DPEP1: variants seen among roughly 807,000 people sequenced by gnomAD.
DPEP1 encodes the protein beta-lactamase.
In DPEP1, 50 loss-of-function variants were observed where a neutral mutation model predicts 42.3. The observed-to-expected ratio is 1.18, with a 90% CI of 0.94 to 1.50. The LOEUF is 1.50. DPEP1 is among the 40% of genes most tolerant of loss of function. The probability of loss-of-function intolerance (pLI) is 0.00; values close to 1 mark genes in which losing one functional copy is unlikely to be tolerated. For synonymous variants in DPEP1, 297 were observed against 234.0 expected (o/e 1.27, Z -2.46); for missense variants, 663 against 553.0 (o/e 1.20, Z -1.99).
intron 2 of DPEP1, 129 bp from the exon 3 acceptor site, chr16:89,635,779 C>G: frequency 7.5e-7 from 1 of 1,325,944 alleles, no homozygotes; most frequent in Non-Finnish European, 1.0e-6. Flanking sequence ...CCCCCGCGGC[C>G]TAGACTTCAG....
chr16:89,637,723 C>T lies in DPEP1; in HGVS notation c.929+16C>T, dbSNP rs1241771428. 4 of 1,612,916 alleles carry T rather than the reference C, an allele frequency of 2.5e-6. No homozygotes were observed. The highest frequency in any genetic ancestry group is 1.7e-5 in the Admixed American group (1 of 59,998). Reference sequence around the variant, plus strand: ...GTGTTCCAAGGTAAGGGGCTGAGAGCTCTGTCCTGTGGATGAGCCGGGAGG... The same window carrying T: ...GTGTTCCAAGGTAAGGGGCTGAGAGTTCTGTCCTGTGGATGAGCCGGGAGG... On this transcript the variant is annotated intron_variant, in intron 9 of 10. Transcript: ENST00000690203.
At chr16:89,629,516 C>A (rs868518267) in intron 1 of DPEP1, among the ~76,000 whole-genome samples, 10 of 151,456 alleles carry the variant, frequency 6.6e-5, no homozygotes, top group Middle Eastern at 3.4e-3. Flanking sequence ...CCCACCCCCC[C>A]CCGAAGCCTC....
Position 89,622,674 on chromosome 16 carries a change from C to T in DPEP1, c.-106-7631C>T, listed in dbSNP as rs374012975. ...TGGCGGGCACCTGTAGTCCCAGCTA[C>T]TTGGGAGGCTGAGGCAGGAGAATCG... On this transcript the variant is annotated intron_variant, in intron 1 of 10. Transcript: ENST00000690203. Among the ~76,000 whole-genome samples, 3 of 151,626 alleles carry T rather than the reference C, an allele frequency of 2.0e-5. No individual in the cohort carries two copies. The East Asian group carries it at 5.8e-4, about 29-fold the overall frequency.
At chr16:89,630,212 G>A in intron 1 of DPEP1, 93 bp from the exon 2 acceptor site, 1 of 449,914 alleles carries the variant, frequency 2.2e-6, no homozygotes, top group Non-Finnish European at 4.0e-6. Flanking sequence ...GGTGGGGAAT[G>A]TGCTGGTTAC....
chr16:89,640,702 G>T, downstream of DPEP1: 2 of 926,864 alleles, frequency 2.2e-6, no homozygotes, highest in Non-Finnish European at 2.6e-6. Context: ...TCCCTGGTGG[G>T]CTGCAAGGGT....
chr16:89,636,662 C>T lies in DPEP1; in HGVS notation c.500C>T (p.Thr167Ile). The T allele has an allele frequency of 3.7e-6, 6 of 1,612,504 alleles. No individual in the cohort carries two copies. Among genetic ancestry groups the T allele is most frequent in the South Asian group, 1.1e-5 (1 of 91,084 alleles). Residue 167 changes from threonine to isoleucine, a missense_variant, in exon 5 of 11, where the codon ACC becomes ATC. Transcript: ENST00000690203. The part of the protein sequence containing the change: ...YQLGMRYLTL[T>I]HSCNTPWADN... Reference sequence around the variant, plus strand: ...CTGGGCATGCGGTACCTGACCCTCACCCACAGCTGCAACACGCCCTGGTGC... The same window carrying T: ...CTGGGCATGCGGTACCTGACCCTCATCCACAGCTGCAACACGCCCTGGTGC...
intron 1 of DPEP1, chr16:89,616,884 G>T: frequency 4.2e-6 from 1 of 239,206 alleles, no homozygotes. Context: ...GGAAGCGGCC[G>T]GGAAGCAGGC....
intron 3 of DPEP1, 42 bp from the exon 4 acceptor site, chr16:89,636,222 G>A (rs1476741159): frequency 6.3e-7 from 1 of 1,582,622 alleles, no homozygotes; most frequent in Non-Finnish European, 8.6e-7. Flanking sequence ...GGTGGGCTGA[G>A]ACCTGGCTGC....
At chr16:89,618,552 G>C (rs2059405043) in intron 1 of DPEP1, among the ~76,000 whole-genome samples, 1 of 152,068 alleles carries the variant, frequency 6.6e-6, no homozygotes, top group African/African-American at 2.4e-5. Flanking sequence ...TTTTGAGACA[G>C]GGTCTCACTA....
In DPEP1 at chr16:89,637,977, G is replaced by T. The variant is rs780592076; in HGVS notation, c.1065+6G>T. 2 of 1,607,846 alleles carry T rather than the reference G, an allele frequency of 1.2e-6. No homozygotes were observed. The highest frequency in any genetic ancestry group is 2.2e-5 in the South Asian group (2 of 90,466). On this transcript the variant is annotated splice_donor_region_variant and intron_variant, in intron 10 of 10. Transcript: ENST00000690203. ...TCTTCGAGGCTGTGGAACAGGTGAG[G>T]ATGGGGTGGCCACCTGAGTCTCCCC...
At chr16:89,615,711 C>T (rs1018960199) in intron 1 of DPEP1, among the ~76,000 whole-genome samples, 2 of 152,192 alleles carry the variant, frequency 1.3e-5, no homozygotes, top group African/African-American at 2.4e-5. Context: ...GAACTGGAGC[C>T]GGGAACCGGC....
chr16:89,614,013 T>G lies in DPEP1; in HGVS notation c.-107+294T>G, dbSNP rs616535. Among the ~76,000 whole-genome samples, 115 of 126,046 alleles carry G rather than the reference T, an allele frequency of 9.1e-4. No homozygotes were observed. In the East Asian group the frequency reaches 0.028, roughly 31 times the overall value. The allele number at this position is 126,046 out of a possible 152,430, so 82.7% of individuals were successfully genotyped here. A position where few individuals can be genotyped will look rare whatever the true frequency, so the allele number is the denominator to read the frequency against. The stretch of plus-strand genomic sequence containing the variant: ...AGGTGTGTGGGGCAGGGGACGCGGC[T>G]GCTTCCTGGGATTCTAGGAAACTGG... On this transcript the variant is annotated intron_variant, in intron 1 of 10. Transcript: ENST00000690203.
At chr16:89,632,562 C>G (rs79799075) in intron 2 of DPEP1, among the ~76,000 whole-genome samples, 1 of 152,158 alleles carries the variant, frequency 6.6e-6, no homozygotes, top group Non-Finnish European at 1.5e-5. Context: ...GTGTGCTTGC[C>G]GCTTTTCCAG....
intron 1 of DPEP1, among the ~76,000 whole-genome samples, chr16:89,629,669 G>C (rs2059559547): frequency 6.6e-6 from 1 of 152,224 alleles, no homozygotes; most frequent in South Asian, 2.1e-4. Flanking sequence ...TGTGTGCCCA[G>C]GAGCCCTCGG....
intron 2 of DPEP1, among the ~76,000 whole-genome samples, chr16:89,634,301 A>G (rs1597767699): frequency 6.6e-6 from 1 of 151,786 alleles, no homozygotes; most frequent in Non-Finnish European, 1.5e-5. Flanking sequence ...GTTAGCCAGG[A>G]TGATCTCGAT....
intron 1 of DPEP1, among the ~76,000 whole-genome samples, chr16:89,623,681 G>T (rs76712522): frequency 6.6e-6 from 1 of 152,020 alleles, no homozygotes. Flanking sequence ...CGAAAGAACC[G>T]TGCTGGGAGA....
chr16:89,623,057 C>G (rs1049067914), intron 1 of DPEP1, among the ~76,000 whole-genome samples: 2 of 152,114 alleles, frequency 1.3e-5, no homozygotes, highest in Non-Finnish European at 2.9e-5. Flanking sequence ...CAGGACCACC[C>G]AGACAGACAC....
chr16:89,629,233 C>T (rs1305590406), intron 1 of DPEP1, among the ~76,000 whole-genome samples: 1 of 152,170 alleles, frequency 6.6e-6, no homozygotes, highest in African/African-American at 2.4e-5. Context: ...GGCATGGTGG[C>T]TCATGCCTGT....
intron 1 of DPEP1, among the ~76,000 whole-genome samples, 157 bp downstream of exon 1, chr16:89,613,876 C>T (rs1405393203): frequency 2.0e-5 from 3 of 149,468 alleles, no homozygotes; most frequent in Non-Finnish European, 4.5e-5. Context: ...GAGGCTGAGG[C>T]CAGGTGTGTG....
Sources: gnomAD v4.1 joint callset for allele counts (sites outside exome capture counted in the v4.1 genomes callset) on GRCh38, gnomAD v4.1.1 for gene constraint, MANE v1.5 for transcripts, NCBI Gene and HGNC (gene_info 2026-07-23, HGNC 2026-07-21) for gene names.